Variants in PAK1 observed in about 807,000 individuals in gnomAD.
PAK1 encodes the protein p21 (RAC1) activated kinase 1.
Under a neutral mutation model 67.4 loss-of-function variants are expected in PAK1, and 29 were observed. The ratio of observed to expected loss-of-function variants is 0.43; its 90% CI spans 0.32 to 0.59. PAK1 has a LOEUF of 0.59. PAK1 is among the 20% of genes least tolerant of loss of function. The pLI is 0.07. For synonymous variants in PAK1, 223 were observed against 237.4 expected (o/e 0.94, Z 0.56); for missense variants, 337 against 670.7 (o/e 0.50, Z 5.50).
chr11:77,458,820 G>A (rs1469197352), intron 1 of PAK1, among the ~76,000 whole-genome samples: 1 of 152,188 alleles, frequency 6.6e-6, no homozygotes, highest in Non-Finnish European at 1.5e-5. Flanking sequence ...GAGTGCAAAA[G>A]TAAATTATTT....
At chr11:77,416,267 C>T (rs915087895) in intron 1 of PAK1, among the ~76,000 whole-genome samples, 1 of 152,194 alleles carries the variant, frequency 6.6e-6, no homozygotes, top group African/African-American at 2.4e-5. Flanking sequence ...GTGTGAGCCA[C>T]CACGCCTGCC....
chr11:77,384,485 A>G (rs1302815884), intron 2 of PAK1, among the ~76,000 whole-genome samples: 3 of 152,380 alleles, frequency 2.0e-5, no homozygotes, highest in South Asian at 4.1e-4. Context: ...TATTCATAAC[A>G]GTCAAAAAGT....
the PAK1 span, among the ~76,000 whole-genome samples, chr11:77,490,411 T>A: frequency 7.5e-6 from 1 of 133,990 alleles, no homozygotes; most frequent in South Asian, 2.4e-4. Flanking sequence ...TACTGGGAAG[T>A]GAGGAGCCCC....
intron 1 of PAK1, among the ~76,000 whole-genome samples, chr11:77,433,703 C>T (rs761574588): frequency 9.2e-5 from 14 of 152,140 alleles, no homozygotes; most frequent in Non-Finnish European, 1.6e-4. Context: ...CGCTTGAACA[C>T]GGGAGACAGA....
rs1946411902 is a variant in PAK1, at chr11:77,358,951, C to T, written c.544G>A (p.Asp182Asn). The T allele has an allele frequency of 6.2e-7, 1 of 1,613,480 alleles. No individual in the cohort carries two copies. The highest frequency in any genetic ancestry group is 8.5e-7 in the Non-Finnish European group (1 of 1,179,606). Residue 182 changes from aspartate to asparagine, a missense_variant, in exon 6 of 15, where the codon GAT becomes AAT. Asp to Asn is a conservative substitution (Grantham distance 23, BLOSUM62 1). Coordinates refer to ENST00000356341, the MANE Select transcript of PAK1 (RefSeq NM_002576.5). ...PVSEDEDDDDDDATPPPVIAP... is the reference protein window; with the variant it reads ...PVSEDEDDDDNDATPPPVIAP... ...ATCACTGGTGGTGGGGTAGCATCAT[C>T]ATCATCATCATCCTCATCTTCTGAA...
chr11:77,461,487 T>C (rs1957342238), intron 1 of PAK1, among the ~76,000 whole-genome samples: 1 of 152,232 alleles, frequency 6.6e-6, no homozygotes, highest in Non-Finnish European at 1.5e-5. Flanking sequence ...CTGGTTCTGT[T>C]TCTCCAGTAG....
chr11:77,395,573 T>C (rs1397119691), intron 1 of PAK1, among the ~76,000 whole-genome samples: 2 of 151,958 alleles, frequency 1.3e-5, no homozygotes, highest in African/African-American at 2.4e-5. Context: ...ACTGTACTTG[T>C]ATTCTTATTT....
the PAK1 span, among the ~76,000 whole-genome samples, chr11:77,493,233 G>T: frequency 6.6e-6 from 1 of 150,920 alleles, no homozygotes. Flanking sequence ...CAAGTAGCTG[G>T]GATTACAAGT....
intron 1 of PAK1, among the ~76,000 whole-genome samples, chr11:77,432,535 G>A (rs1328137412): frequency 6.6e-6 from 1 of 152,190 alleles, no homozygotes; most frequent in Non-Finnish European, 1.5e-5. Context: ...GCATGCACCT[G>A]TAGTCTCAGC....
intron 1 of PAK1, among the ~76,000 whole-genome samples, chr11:77,427,282 G>A (rs1418150117): frequency 6.6e-6 from 1 of 152,118 alleles, no homozygotes; most frequent in Non-Finnish European, 1.5e-5. Context: ...TTTGGGGCAG[G>A]CTTTTTTAGT....
chr11:77,392,732 G>C (rs1951298323), intron 1 of PAK1, among the ~76,000 whole-genome samples, 191 bp from the exon 2 acceptor site: 1 of 152,170 alleles, frequency 6.6e-6, no homozygotes, highest in African/African-American at 2.4e-5. Flanking sequence ...AAGCACTAAT[G>C]AAAAATCACA....
At chr11:77,359,114 A>G in intron 5 of PAK1, 97 bp from the exon 6 acceptor site, 1 of 1,121,534 alleles carries the variant, frequency 8.9e-7, no homozygotes, top group Non-Finnish European at 1.3e-6. Context: ...CCATCCTGAT[A>G]TCCCTTCTGA....
At chr11:77,364,641 C>T (rs1001807037) in intron 5 of PAK1, among the ~76,000 whole-genome samples, 1 of 151,910 alleles carries the variant, frequency 6.6e-6, no homozygotes, top group Non-Finnish European at 1.5e-5. Flanking sequence ...GAATTTTCAA[C>T]AAGAAATTAT....
the PAK1 span, among the ~76,000 whole-genome samples, chr11:77,486,909 G>C: frequency 6.6e-6 from 1 of 152,190 alleles, no homozygotes; most frequent in Non-Finnish European, 1.5e-5. Flanking sequence ...TCCGGGTGCT[G>C]TTCCAGGATC....
At chr11:77,412,047 C>T (rs1473928296) in intron 1 of PAK1, 1 of 152,276 alleles carries the variant, frequency 6.6e-6, no homozygotes, top group Non-Finnish European at 1.5e-5. Context: ...CCGCGCGCTT[C>T]TCCTTTTCTG....
chr11:77,371,624 C>T (rs1948439834), intron 5 of PAK1, among the ~76,000 whole-genome samples: 1 of 152,144 alleles, frequency 6.6e-6, no homozygotes, highest in South Asian at 2.1e-4. Context: ...GATTATTTCA[C>T]AAGTGGAATC....
chr11:77,334,838 C>A (rs1418261176), intron 13 of PAK1, among the ~76,000 whole-genome samples: 2 of 152,046 alleles, frequency 1.3e-5, no homozygotes, highest in Admixed American at 1.3e-4. Flanking sequence ...GAAAAAAAAA[C>A]CTGTTTATAC....
At chr11:77,494,991 G>A in the PAK1 span, among the ~76,000 whole-genome samples, 1 of 151,396 alleles carries the variant, frequency 6.6e-6, no homozygotes, top group East Asian at 2.0e-4. Context: ...GTGAAACCTT[G>A]TCTCTACTAT....
In PAK1 at chr11:77,336,129, A is replaced by T; in HGVS notation, c.1370T>A (p.Met457Lys). The part of the protein sequence containing the change: ...IWSLGIMAIE[M>K]IEGEPPYLNE... ...GAGGTATGGAGGCTCCCCTTCAATC[A>T]TTTCGATGGCCATGATGCCCAGGGA... is the stretch of plus-strand genomic sequence containing the variant. The change falls in exon 13 of 15, where the codon ATG (methionine) becomes AAG (lysine). Residue 457 changes from methionine to lysine, a missense_variant. Around this residue, in one of 8 missense-constraint regions of PAK1, gnomAD observed 71 missense variants for 160.5 expected, o/e 0.44. Coordinates refer to ENST00000356341, the MANE Select transcript of PAK1 (RefSeq NM_002576.5). 1 of 1,613,296 alleles carries T rather than the reference A, an allele frequency of 6.2e-7. No homozygotes were observed. Among genetic ancestry groups the T allele is most frequent in the Admixed American group, 1.7e-5 (1 of 60,012 alleles).
Sources: allele counts gnomAD v4.1 joint callset (sites outside exome capture counted in the v4.1 genomes callset), GRCh38; gene constraint gnomAD v4.1.1; regional missense constraint gnomAD v4.1.1; transcripts MANE v1.5; gene names NCBI Gene and HGNC (gene_info 2026-07-23, HGNC 2026-07-21).